GNB1: variants seen among roughly 807,000 people sequenced by gnomAD.
The protein encoded by GNB1 is G protein subunit beta 1, also known as guanine nucleotide-binding protein G(I)/G(S)/G(T) subunit beta-1.
In GNB1, 2 loss-of-function variants were observed where a neutral mutation model predicts 42.9. The ratio of observed to expected loss-of-function variants is 0.05; its 90% CI spans 0.02 to 0.15. The LOEUF (loss-of-function observed/expected upper bound fraction) is 0.15, where lower values mean the gene tolerates loss of function less well. Among genes scored for constraint, GNB1 ranks in the 10% least tolerant of loss-of-function variants. GNB1 has a pLI of 1.00. For missense variants in GNB1, 193 were observed against 462.2 expected, an observed-to-expected ratio of 0.42 and a Z score of 5.34; for synonymous variants, 183 against 174.7, an observed-to-expected ratio of 1.05 and a Z score of -0.38.
intron 5 of GNB1, among the ~76,000 whole-genome samples, chr1:1,811,903 A>C (rs984301204): frequency 6.6e-6 from 1 of 151,212 alleles, no homozygotes; most frequent in Non-Finnish European, 1.5e-5. Context: ...GTCTCTACTA[A>C]AAATACAAAA....
At chr1:1,849,896 C>G (rs906042561) in intron 1 of GNB1, among the ~76,000 whole-genome samples, 3 of 152,100 alleles carry the variant, frequency 2.0e-5, no homozygotes, top group Non-Finnish European at 2.9e-5. Context: ...TTGAATATTT[C>G]TTCTGCCCCG....
chr1:1,871,038 C>T (rs533811543), intron 1 of GNB1, among the ~76,000 whole-genome samples: 3 of 151,644 alleles, frequency 2.0e-5, no homozygotes, highest in African/African-American at 4.8e-5. Flanking sequence ...TTCTTTAAGT[C>T]GTATCTACAC....
At chr1:1,855,454 C>A (rs1323687036) in intron 1 of GNB1, among the ~76,000 whole-genome samples, 1 of 152,132 alleles carries the variant, frequency 6.6e-6, no homozygotes, top group Non-Finnish European at 1.5e-5. Context: ...GTAATCCCAG[C>A]ACTTTGGGAG....
At chr1:1,884,748 T>C (rs1002051829) in intron 1 of GNB1, among the ~76,000 whole-genome samples, 1 of 151,594 alleles carries the variant, frequency 6.6e-6, no homozygotes, top group Non-Finnish European at 1.5e-5. Flanking sequence ...AGTGGCGCGA[T>C]CTCCACTCAC....
chr1:1,804,638 A>G, intron 6 of GNB1, 57 bp from the exon 7 acceptor site: 1 of 1,350,234 alleles, frequency 7.4e-7, no homozygotes, highest in Non-Finnish European at 1.0e-6. Context: ...CAACACTGAC[A>G]CCAGGATTTT....
intron 1 of GNB1, among the ~76,000 whole-genome samples, chr1:1,885,167 C>T (rs1650077968): frequency 6.6e-6 from 1 of 151,568 alleles, no homozygotes; most frequent in African/African-American, 2.4e-5. Flanking sequence ...AATCCCAGCA[C>T]TTTGGGAGGC....
intron 1 of GNB1, among the ~76,000 whole-genome samples, chr1:1,857,754 T>C (rs756794566): frequency 1.3e-5 from 2 of 152,222 alleles, no homozygotes; most frequent in Admixed American, 6.5e-5. Flanking sequence ...ACACTTTATA[T>C]AGACTACATT....
At chr1:1,800,716 T>C (rs1646612599) in intron 7 of GNB1, among the ~76,000 whole-genome samples, 1 of 137,068 alleles carries the variant, frequency 7.3e-6, no homozygotes, top group African/African-American at 2.8e-5. Context: ...CCGAGGCACC[T>C]ACGTGCAAAC....
At chr1:1,884,585 T>C (rs1439186120) in intron 1 of GNB1, among the ~76,000 whole-genome samples, 2 of 152,180 alleles carry the variant, frequency 1.3e-5, no homozygotes, top group Non-Finnish European at 2.9e-5. Flanking sequence ...AGGGAATATA[T>C]TTTCTAAGTG....
intron 7 of GNB1, among the ~76,000 whole-genome samples, 162 bp downstream of exon 7, chr1:1,804,256 GC>G (rs1021068079): frequency 1.1e-4 from 16 of 151,970 alleles, no homozygotes; most frequent in African/African-American, 3.9e-4. Context: ...CCGAGATCAC[GC>G]CACCGCACTC....
At chr1:1,872,902 G>A (rs1649327524) in intron 1 of GNB1, among the ~76,000 whole-genome samples, 1 of 152,140 alleles carries the variant, frequency 6.6e-6, no homozygotes, top group African/African-American at 2.4e-5. Context: ...CCATCCCACA[G>A]ATACCATATT....
At chr1:1,824,192 TTTTCTC>T (rs1381026092) in intron 3 of GNB1, among the ~76,000 whole-genome samples, 2 of 152,176 alleles carry the variant, frequency 1.3e-5, no homozygotes, top group Non-Finnish European at 2.9e-5. Flanking sequence ...GTCTGCCTCT[TTTTCTC>T]TTACTCTTCA....
intron 4 of GNB1, among the ~76,000 whole-genome samples, chr1:1,816,862 G>A (rs1439768940): frequency 6.6e-6 from 1 of 151,870 alleles, no homozygotes; most frequent in African/African-American, 2.4e-5. Flanking sequence ...TGGTTAGGCT[G>A]GTCTCGAACT....
chr1:1,887,580 A>T (rs1221719948), intron 1 of GNB1, among the ~76,000 whole-genome samples: 1 of 152,248 alleles, frequency 6.6e-6, no homozygotes, highest in African/African-American at 2.4e-5. Flanking sequence ...ATCTACCTAG[A>T]TGATACTAGC....
intron 5 of GNB1, among the ~76,000 whole-genome samples, chr1:1,813,702 G>A (rs1174502801): frequency 6.6e-6 from 1 of 152,108 alleles, no homozygotes; most frequent in African/African-American, 2.4e-5. Flanking sequence ...TGTGACCTAG[G>A]CTGATCTTGA....
At chr1:1,794,665 G>T (rs1646523554) in intron 7 of GNB1, among the ~76,000 whole-genome samples, 2 of 152,180 alleles carry the variant, frequency 1.3e-5, no homozygotes, top group African/African-American at 4.8e-5. Context: ...AGATTACAGA[G>T]AAAACAAAGC....
intron 1 of GNB1, among the ~76,000 whole-genome samples, chr1:1,884,622 G>A (rs1223653327): frequency 6.6e-6 from 1 of 152,096 alleles, no homozygotes; most frequent in Non-Finnish European, 1.5e-5. Context: ...AGACATGCAT[G>A]GAGACATGAT....
chr1:1,884,122 T>C (rs1453340752), intron 1 of GNB1, among the ~76,000 whole-genome samples: 1 of 151,340 alleles, frequency 6.6e-6, no homozygotes, highest in African/African-American at 2.4e-5. Flanking sequence ...TGTGCCACCA[T>C]GCCCGACTAA....
intron 4 of GNB1, chr1:1,817,615 A>T: frequency 2.3e-6 from 1 of 437,488 alleles, no homozygotes; most frequent in Non-Finnish European, 4.2e-6. Flanking sequence ...CCTCTGTAAC[A>T]GGTAGATGAT....
Sources: allele counts gnomAD v4.1 joint callset (sites outside exome capture counted in the v4.1 genomes callset), GRCh38; gene constraint gnomAD v4.1.1; transcripts MANE v1.5; gene names NCBI Gene and HGNC (gene_info 2026-07-23, HGNC 2026-07-21).